CDC20B: variants seen among roughly 807,000 people sequenced by gnomAD.
The protein encoded by CDC20B is cell division cycle 20B.
A neutral mutation model predicts 64.1 loss-of-function variants in CDC20B; 58 were observed. The observed-to-expected ratio is 0.90, with a 90% CI of 0.73 to 1.13. The LOEUF (loss-of-function observed/expected upper bound fraction) is 1.13. CDC20B is among the 50% of genes most tolerant of loss of function. The probability of loss-of-function intolerance (pLI) is 0.00; values close to 1 mark genes in which losing one functional copy is unlikely to be tolerated. For synonymous variants in CDC20B, 243 were observed against 230.6 expected, an observed-to-expected ratio of 1.05 and a Z score of -0.49; for missense variants, 597 against 633.0, an observed-to-expected ratio of 0.94 and a Z score of 0.61.
chr5:55,123,590 T>C (rs1742807000), intron 9 of CDC20B, among the ~76,000 whole-genome samples: 1 of 152,200 alleles, frequency 6.6e-6, no homozygotes, highest in South Asian at 2.1e-4. Flanking sequence ...CCCCAGGTGC[T>C]GACTGCCAGG....
chr5:55,141,798 T>G (rs1397343703), intron 4 of CDC20B, among the ~76,000 whole-genome samples: 1 of 152,204 alleles, frequency 6.6e-6, no homozygotes, highest in Non-Finnish European at 1.5e-5. Flanking sequence ...ATCTTGGCAC[T>G]ATGGGCAACA....
chr5:55,165,074 T>C (rs2111590120), intron 2 of CDC20B: 1 of 152,312 alleles, frequency 6.6e-6, no homozygotes, highest in Non-Finnish European at 1.5e-5. Flanking sequence ...TATAGGCTGA[T>C]TTGGGTTGCT....
chr5:55,146,923 A>AT, intron 2 of CDC20B, 67 bp from the exon 3 acceptor site: 2 of 1,123,622 alleles, frequency 1.8e-6, no homozygotes, highest in Non-Finnish European at 2.6e-6. Context: ...AATTCCCTAT[A>AT]AGAGAATTAC....
At chr5:55,172,300 GTTAAAATCA>G (rs759358437) in intron 2 of CDC20B, 1 of 343,432 alleles carries the variant, frequency 2.9e-6, no homozygotes, top group South Asian at 3.4e-5. Context: ...ACTAGCAACT[GTTAAAATCA>G]TTAACAGCCG....
chr5:55,148,956 C>G (rs1302973277), intron 2 of CDC20B, among the ~76,000 whole-genome samples: 1 of 152,252 alleles, frequency 6.6e-6, no homozygotes, highest in Non-Finnish European at 1.5e-5. Context: ...GCTCACCTGT[C>G]TGACCCCAGA....
intron 2 of CDC20B, among the ~76,000 whole-genome samples, chr5:55,149,160 A>AC (rs1220135147): frequency 1.3e-5 from 2 of 152,208 alleles, no homozygotes; most frequent in Non-Finnish European, 2.9e-5. Context: ...ACTAAACCAC[A>AC]CCAAAGCACC....
At position 55,128,568 on chromosome 5, in the gene CDC20B, C is replaced by A. The variant is rs1308906371; in HGVS notation, c.747G>T (p.Leu249=). ...CATTCCAGATGTATACAGCAGAGCCCAGGGCTATGGCAACAAGATTCTGAA... is the reference window on the plus strand; with the variant it reads ...CATTCCAGATGTATACAGCAGAGCCAAGGGCTATGGCAACAAGATTCTGAA... ...WSFQNLVAIA[L]GSAVYIWNGE... Residue 249 remains leucine (L), a synonymous_variant, in exon 7 of 12, where the codon CTG becomes CTT. Transcript: ENST00000381375. 3 of 1,589,076 alleles carry A rather than the reference C, an allele frequency of 1.9e-6. No homozygotes were observed. In the Admixed American group the frequency reaches 5.8e-5, roughly 31 times the overall value.
chr5:55,152,854 T>A (rs1743706208), intron 2 of CDC20B, among the ~76,000 whole-genome samples: 1 of 152,142 alleles, frequency 6.6e-6, no homozygotes, highest in Non-Finnish European at 1.5e-5. Context: ...TCTCTTCCCC[T>A]AGAGGCAGTT....
rs1428797054 is a variant in CDC20B, at chr5:55,113,428, C to T, written c.*790G>A. 6.6e-6 allele frequency: 1 copy of T among 152,334 alleles called. No homozygotes were observed. Among genetic ancestry groups the T allele is most frequent in the Non-Finnish European group, 1.5e-5 (1 of 68,196 alleles). The allele number at this position is 152,334 out of a possible 1,614,324, so 9.4% of individuals were successfully genotyped here. A position where few individuals can be genotyped will look rare whatever the true frequency, so the allele number is the denominator to read the frequency against. ...TCAAAGGTGTTTGGTAATAGGTTGT[C>T]CTTGAGAGTTGATGAGCAGGGGACT... On this transcript the variant is annotated 3_prime_UTR_variant, in exon 12 of 12. Transcript: ENST00000381375.
At position 55,113,748 on chromosome 5, in the gene CDC20B, G is replaced by A; in HGVS notation, c.*470C>T. Reference sequence around the variant, plus strand: ...TGCTTAACATACTGCCTAGCATATAGTGAGATTTTAGTAAGTGTTTTTCAA... The same window carrying A: ...TGCTTAACATACTGCCTAGCATATAATGAGATTTTAGTAAGTGTTTTTCAA... On this transcript the variant is annotated 3_prime_UTR_variant, in exon 12 of 12. Coordinates refer to ENST00000381375, the MANE Select transcript of CDC20B (RefSeq NM_001170402.1). 6.3e-6 allele frequency: 1 copy of A among 157,986 alleles called. No individual in the cohort carries two copies. The highest frequency in any genetic ancestry group is 6.2e-5 in the Admixed American group (1 of 16,166). The allele number at this position is 157,986 out of a possible 1,614,324, so 9.8% of individuals were successfully genotyped here.
At chr5:55,146,520 G>C (rs1322771972) in intron 3 of CDC20B, 108 bp downstream of exon 3, 20 of 714,630 alleles carry the variant, frequency 2.8e-5, no homozygotes, top group Non-Finnish European at 3.7e-5. Context: ...AAAGAGAAAA[G>C]AGTTGACTCA....
chr5:55,154,281 C>T lies in CDC20B; in HGVS notation c.127-7425G>A, dbSNP rs1050258413. On this transcript the variant is annotated intron_variant, in intron 2 of 11. Transcript: ENST00000381375. Reference sequence around the variant, plus strand: ...CCTGTACTCTAAGCATTTTGGGGGGCCAGTGCAGAGGGGGAATCACTTGAG... The same window carrying T: ...CCTGTACTCTAAGCATTTTGGGGGGTCAGTGCAGAGGGGGAATCACTTGAG... 2.4e-4 allele frequency among the ~76,000 whole-genome samples: 37 copies of T among 152,174 alleles called. 1 individual carries two copies. The highest frequency in any genetic ancestry group is 4.4e-5 in the Non-Finnish European group (3 of 67,988).
chr5:55,135,617 T>C (rs922360949), intron 5 of CDC20B: 8 of 152,130 alleles, frequency 5.3e-5, no homozygotes, highest in African/African-American at 1.7e-4. Flanking sequence ...AACAGACGCT[T>C]GAGGAATAAA....
At chr5:55,137,802 G>C (rs942860261) in intron 5 of CDC20B, among the ~76,000 whole-genome samples, 1 of 152,188 alleles carries the variant, frequency 6.6e-6, no homozygotes, top group Non-Finnish European at 1.5e-5. Flanking sequence ...CAGTGGGCAA[G>C]AGAGCCCAAT....
At chr5:55,153,104 T>C (rs1425841147) in intron 2 of CDC20B, among the ~76,000 whole-genome samples, 2 of 150,884 alleles carry the variant, frequency 1.3e-5, no homozygotes, top group South Asian at 4.2e-4. Flanking sequence ...CTGGGCACGG[T>C]GGTGTGTGCC....
At position 55,113,967 on chromosome 5, in the gene CDC20B, T is replaced by A; in HGVS notation, c.*251A>T. 1 of 471,766 alleles carries A rather than the reference T, an allele frequency of 2.1e-6. No homozygotes were observed. The allele number at this position is 471,766 out of a possible 1,614,324, so 29.2% of individuals were successfully genotyped here. A position where few individuals can be genotyped will look rare whatever the true frequency, so the allele number is the denominator to read the frequency against. ...GTGAAAATGAATCTCTAGAAAGGGG[T>A]AAGAATGGGAGGAAGAAGAGGAGGG... On this transcript the variant is annotated 3_prime_UTR_variant, in exon 12 of 12. Transcript: ENST00000381375.
chr5:55,135,520 C>T (rs968210173), intron 5 of CDC20B, among the ~76,000 whole-genome samples: 1 of 152,092 alleles, frequency 6.6e-6, no homozygotes, highest in African/African-American at 2.4e-5. Context: ...TATTCCCAAA[C>T]CCCCAAAAGA....
chr5:55,122,312 G>A (rs1271466303), intron 9 of CDC20B, among the ~76,000 whole-genome samples: 3 of 149,832 alleles, frequency 2.0e-5, no homozygotes, highest in East Asian at 1.9e-4. Context: ...CTCTGTTGCC[G>A]AGGATGGAGT....
intron 8 of CDC20B, 81 bp downstream of exon 8, chr5:55,127,176 T>C (rs1415365278): frequency 7.9e-7 from 1 of 1,261,526 alleles, no homozygotes; most frequent in East Asian, 2.3e-5. Flanking sequence ...GGTTTAGGTT[T>C]TGAATATTAC....
Sources: gnomAD v4.1 joint callset for allele counts (sites outside exome capture counted in the v4.1 genomes callset) on GRCh38, gnomAD v4.1.1 for gene constraint, MANE v1.5 for transcripts, NCBI Gene and HGNC (gene_info 2026-07-23, HGNC 2026-07-21) for gene names.